Variants in TCF3 observed in about 807,000 individuals in gnomAD.
The protein encoded by TCF3 is transcription factor 3.
A neutral mutation model predicts 72.3 loss-of-function variants in TCF3; 54 were observed. That is an observed-to-expected ratio of 0.75 (90% confidence interval 0.60 to 0.94). TCF3 has a LOEUF of 0.94. TCF3 is among the 40% of genes least tolerant of loss of function. The probability of loss-of-function intolerance (pLI) is 0.00; values close to 1 mark genes in which losing one functional copy is unlikely to be tolerated. For synonymous variants in TCF3, 525 were observed against 412.6 expected, an observed-to-expected ratio of 1.27 and a Z score of -3.30; for missense variants, 1,078 against 934.4, an observed-to-expected ratio of 1.15 and a Z score of -2.00.
rs2061867509 is a variant in TCF3, at chr19:1,619,096, A to G, written c.1450+15T>C. The stretch of plus-strand genomic sequence containing the variant: ...TGGAACCAGGAGTCGGACAGTCCCA[A>G]GCTCAAGGGCTTACCACTGTAGGAG... On this transcript the variant is annotated intron_variant, in intron 16 of 18. Coordinates refer to ENST00000262965, the MANE Select transcript of TCF3 (RefSeq NM_003200.5). 6.3e-7 allele frequency: 1 copy of G among 1,599,094 alleles called. No individual in the cohort carries two copies. The highest frequency in any genetic ancestry group is 8.5e-7 in the Non-Finnish European group (1 of 1,179,652).
In TCF3 at chr19:1,619,483, T is replaced by C; in HGVS notation, c.1168-9A>G. ...TCTTCTATCTTACTCTGCTGCAGGGTGGGGGGATGGGTGGTGAGGGGCCCA... is the reference window on the plus strand; with the variant it reads ...TCTTCTATCTTACTCTGCTGCAGGGCGGGGGGATGGGTGGTGAGGGGCCCA... On this transcript the variant is annotated splice_polypyrimidine_tract_variant and intron_variant, in intron 14 of 18. Transcript: ENST00000262965. The C allele has an allele frequency of 7.3e-7, 1 of 1,375,208 alleles. No homozygotes were observed. Among genetic ancestry groups the C allele is most frequent in the Non-Finnish European group, 9.8e-7 (1 of 1,022,772 alleles). 85.2% of individuals were successfully genotyped at this position (1,375,208 alleles called of 1,614,324 possible).
At chr19:1,618,719 C>T (rs1207267107) in intron 16 of TCF3, among the ~76,000 whole-genome samples, 2 of 152,316 alleles carry the variant, frequency 1.3e-5, no homozygotes, top group East Asian at 3.9e-4. Context: ...ATCTTCAAAG[C>T]CATACAAAAC....
chr19:1,617,279 A>C (rs1030902977), intron 16 of TCF3, among the ~76,000 whole-genome samples: 6 of 152,178 alleles, frequency 3.9e-5, no homozygotes, highest in Admixed American at 1.3e-4. Context: ...CTACAGCCCC[A>C]CGCCCGGGCC....
At position 1,622,459 on chromosome 19, in the gene TCF3, A is replaced by G. The variant is rs11878865; in HGVS notation, c.550-44T>C. The G allele has an allele frequency of 2.8e-3, 2,917 of 1,060,576 alleles. 69 individuals are homozygous for G. In the African/African-American group the frequency reaches 0.043, roughly 16 times the overall value. 65.7% of individuals were successfully genotyped at this position (1,060,576 alleles called of 1,614,324 possible). A position where few individuals can be genotyped will look rare whatever the true frequency, so the allele number is the denominator to read the frequency against. ...TGGGGGGTGCAGTCAGGACGGAGGG[A>G]CCACGATCAGCCCATGCACCTTGCC... On this transcript the variant is annotated intron_variant, in intron 8 of 18. Coordinates refer to ENST00000262965, the MANE Select transcript of TCF3 (RefSeq NM_003200.5).
chr19:1,611,939 G>GGA, intron 18 of TCF3, 90 bp from the exon 19 acceptor site: 1 of 224,266 alleles, frequency 4.5e-6, no homozygotes, highest in Non-Finnish European at 8.6e-6. Flanking sequence ...TCGGGGGGGG[G>GGA]GGTGGGGGCA....
Position 1,615,557 on chromosome 19 carries a change from CAGTG to C in TCF3, c.1587-41_1587-38del, listed in dbSNP as rs1249609643. ...GCGCCGGGAGGGGGCCAGAGGGAGA[CAGTG>C]AGGTTGGGGGAAGAGCGTGGGGCCC... On this transcript the variant is annotated intron_variant, in intron 17 of 18. Coordinates refer to ENST00000262965, the MANE Select transcript of TCF3 (RefSeq NM_003200.5). This position sits in a 1 kb window ranked among gnomAD's most constrained non-coding sequence, Gnocchi z 7.3. 2.5e-6 allele frequency: 4 copies of C among 1,604,916 alleles called. No homozygotes were observed. The highest frequency in any genetic ancestry group is 1.7e-4 in the Middle Eastern group (1 of 6,060).
At chr19:1,631,932 G>A in intron 5 of TCF3, 106 bp downstream of exon 5, 1 of 1,545,846 alleles carries the variant, frequency 6.5e-7, no homozygotes, top group Middle Eastern at 2.0e-4. Flanking sequence ...CACCCTCTGG[G>A]TGAACGCTGG....
chr19:1,610,622 G>A lies in TCF3; in HGVS notation c.*1085C>T, dbSNP rs1027797343. The A allele has an allele frequency of 2.6e-5, 6 of 231,250 alleles. No individual in the cohort carries two copies. Among genetic ancestry groups the A allele is most frequent in the African/African-American group, 8.9e-5 (4 of 45,160 alleles). The allele number at this position is 231,250 out of a possible 1,614,324, so 14.3% of individuals were successfully genotyped here. A position where few individuals can be genotyped will look rare whatever the true frequency, so the allele number is the denominator to read the frequency against. On this transcript the variant is annotated 3_prime_UTR_variant, in exon 19 of 19. Transcript: ENST00000262965. ...ATGCCCCATTTCAGAGAGCTGTGCA[G>A]GTTCCAAGGGAGAGCAGCTTAGGGG... is the stretch of plus-strand genomic sequence containing the variant.
At chr19:1,629,965 T>C (rs765887187) in intron 5 of TCF3, among the ~76,000 whole-genome samples, 1 of 152,016 alleles carries the variant, frequency 6.6e-6, no homozygotes, top group Non-Finnish European at 1.5e-5. Context: ...GCCCGGCTCC[T>C]CGGGTGAGAA....
intron 2 of TCF3, among the ~76,000 whole-genome samples, chr19:1,649,239 C>T (rs2066618986): frequency 6.6e-6 from 1 of 152,258 alleles, no homozygotes; most frequent in South Asian, 2.1e-4. Flanking sequence ...CCAATCCAGC[C>T]TCCTCCTGGC....
At chr19:1,621,228 C>T (rs78569123) in intron 11 of TCF3, 37 bp from the exon 12 acceptor site, 4 of 1,526,160 alleles carry the variant, frequency 2.6e-6, no homozygotes, top group East Asian at 2.5e-5. Context: ...CGCAGCCCGG[C>T]CTGGGTGCTG....
Position 1,614,142 on chromosome 19 carries a change from G to A in TCF3, c.1822+1143C>T, listed in dbSNP as rs766353352. Among the ~76,000 whole-genome samples the A allele has an allele frequency of 1.3e-5, 2 of 152,226 alleles. No homozygotes were observed. The highest frequency in any genetic ancestry group is 4.8e-5 in the African/African-American group (2 of 41,462). On this transcript the variant is annotated intron_variant, in intron 18 of 18. Coordinates refer to ENST00000262965, the MANE Select transcript of TCF3 (RefSeq NM_003200.5). This position sits in a 1 kb window ranked among gnomAD's most constrained non-coding sequence, Gnocchi z 5.6. ...TGAAGATGAAATGGGTGAAGGTCTG[G>A]CCCAGTGCCCAGCATGCCTGGTGCC... is the stretch of plus-strand genomic sequence containing the variant.
At position 1,611,263 on chromosome 19, in the gene TCF3, A is replaced by C. The variant is rs1277339353; in HGVS notation, c.*444T>G. Reference sequence around the variant, plus strand: ...GAAGAATAAGCCAGGTTTCCACAGCATCCCCCTTGAGTGATATGTTTCCAT... The same window carrying C: ...GAAGAATAAGCCAGGTTTCCACAGCCTCCCCCTTGAGTGATATGTTTCCAT... On this transcript the variant is annotated 3_prime_UTR_variant, in exon 19 of 19. Coordinates refer to ENST00000262965, the MANE Select transcript of TCF3 (RefSeq NM_003200.5). The C allele has an allele frequency of 5.3e-5, 17 of 318,912 alleles. No individual in the cohort carries two copies. Among genetic ancestry groups the C allele is most frequent in the Non-Finnish European group, 9.7e-5 (17 of 175,632 alleles). The allele number at this position is 318,912 out of a possible 1,614,324, so 19.8% of individuals were successfully genotyped here.
intron 18 of TCF3, 68 bp from the exon 19 acceptor site, chr19:1,611,917 G>C (rs1383167012): frequency 8.9e-6 from 4 of 451,846 alleles, no homozygotes; most frequent in African/African-American, 4.6e-5. Context: ...GGTGGGAGTG[G>C]GGGGTAGGAT....
In TCF3 at chr19:1,611,500, G is replaced by A; in HGVS notation, c.*207C>T. On this transcript the variant is annotated 3_prime_UTR_variant, in exon 19 of 19. Transcript: ENST00000262965. ...GACAGGGGGAGCGAGGCCAGTGAGT[G>A]GTAGGCCAGGGCCCCAGGGAGCTCC... 1.7e-6 allele frequency: 1 copy of A among 578,746 alleles called. No homozygotes were observed. The highest frequency in any genetic ancestry group is 2.9e-6 in the Non-Finnish European group (1 of 347,222). The allele number at this position is 578,746 out of a possible 1,614,324, so 35.9% of individuals were successfully genotyped here.
intron 1 of TCF3, among the ~76,000 whole-genome samples, chr19:1,651,669 G>C (rs989030445): frequency 2.0e-5 from 3 of 151,998 alleles, no homozygotes; most frequent in East Asian, 1.9e-4. Flanking sequence ...TTCCCGGGGG[G>C]AGGCGGCCCG....
Position 1,620,981 on chromosome 19 carries a change from G to C in TCF3, c.1080C>G (p.Pro360=), listed in dbSNP as rs201663318. 88 of 1,513,774 alleles carry C rather than the reference G, an allele frequency of 5.8e-5. 1 individual carries two copies. The East Asian group carries it at 1.6e-3, about 27-fold the overall frequency. 93.8% of individuals were successfully genotyped at this position (1,513,774 alleles called of 1,614,324 possible). A position where few individuals can be genotyped will look rare whatever the true frequency, so the allele number is the denominator to read the frequency against. ...ACCCTCACAGACCTGCCAGGCCCTG[G>C]GGGGAGCCCACGGGGGTAGAAGGGC... The part of the protein sequence containing the change: ...SSSPSTPVGS[P]QGLAGTSQWP... The change falls in exon 13 of 19, where the codon CCC becomes CCG. Residue 360 remains proline, a synonymous_variant. Coordinates refer to ENST00000262965, the MANE Select transcript of TCF3 (RefSeq NM_003200.5).
chr19:1,620,895 A>C, intron 13 of TCF3, 73 bp downstream of exon 13: 3 of 1,312,430 alleles, frequency 2.3e-6, no homozygotes, highest in East Asian at 3.1e-5. Flanking sequence ...CAAAGCCTTC[A>C]CAGACCTCAG....
chr19:1,619,750 A>AGGGTGGGGTGGGGTG (rs10648013), intron 14 of TCF3, 30 bp downstream of exon 14: 1 of 922,250 alleles, frequency 1.1e-6, no homozygotes, highest in East Asian at 2.8e-5. Context: ...CTGTCGGGGA[A>AGGGTGGGGTGGGGTG]GGGTGGGGTG....
Sources: allele counts gnomAD v4.1 joint callset (sites outside exome capture counted in the v4.1 genomes callset), GRCh38; gene constraint gnomAD v4.1.1; non-coding constraint Gnocchi (gnomAD v3.1); transcripts MANE v1.5; gene names NCBI Gene and HGNC (gene_info 2026-07-23, HGNC 2026-07-21).